The following PKD1 variants were observed in gnomAD, a reference collection of about 807,000 sequenced individuals.
The protein encoded by PKD1 is polycystin-1.
A neutral mutation model predicts 361.7 loss-of-function variants in PKD1; 81 were observed. That is an observed-to-expected ratio of 0.22 (90% CI 0.19 to 0.27). PKD1 has a LOEUF of 0.27. PKD1 is among the 10% of genes least tolerant of loss of function. PKD1 has a pLI of 1.00. For missense variants in PKD1, 6,399 were observed against 6,118.3 expected, an observed-to-expected ratio of 1.05 and a Z score of -1.53; for synonymous variants, 3,615 against 2,818.3, an observed-to-expected ratio of 1.28 and a Z score of -8.95.
intron 34 of PKD1, among the ~76,000 whole-genome samples, chr16:2,095,600 A>C (rs2091813372): frequency 6.6e-6 from 1 of 152,184 alleles, no homozygotes; most frequent in Non-Finnish European, 1.5e-5. Flanking sequence ...GCTCAGGCGC[A>C]GGGAAGGCCG....
At position 2,089,022 on chromosome 16, in the gene PKD1, C is replaced by T; in HGVS notation, c.*705G>A. On this transcript the variant is annotated 3_prime_UTR_variant, in exon 46 of 46. Coordinates refer to ENST00000262304, the MANE Select transcript of PKD1 (RefSeq NM_001009944.3). Reference sequence around the variant, plus strand: ...GACCTGATGCCAGCAGGCCTGGGCGCTGCTCTCTTGCTACCTGGCCTGGGG... The same window carrying T: ...GACCTGATGCCAGCAGGCCTGGGCGTTGCTCTCTTGCTACCTGGCCTGGGG... 1 of 214,962 alleles carries T rather than the reference C, an allele frequency of 4.7e-6. No individual in the cohort carries two copies. The highest frequency in any genetic ancestry group is 9.4e-6 in the Non-Finnish European group (1 of 105,852). The allele number at this position is 214,962 out of a possible 1,614,324, so 13.3% of individuals were successfully genotyped here.
Position 2,107,664 on chromosome 16 carries a change from T to C in PKD1, c.7065+219A>G. The C allele has an allele frequency of 6.4e-6, 4 of 625,628 alleles. No individual in the cohort carries two copies. The South Asian group carries it at 7.1e-5, about 11-fold the overall frequency. The allele number at this position is 625,628 out of a possible 1,614,324, so 38.8% of individuals were successfully genotyped here. A position where few individuals can be genotyped will look rare whatever the true frequency, so the allele number is the denominator to read the frequency against. Reference sequence around the variant, plus strand: ...TATTGCTAGGGGACTGTGTAGCTTTTGCCACTAGAGCATATGTGGCTTGAA... The same window carrying C: ...TATTGCTAGGGGACTGTGTAGCTTTCGCCACTAGAGCATATGTGGCTTGAA... On this transcript the variant is annotated intron_variant, in intron 16 of 45. Coordinates refer to ENST00000262304, the MANE Select transcript of PKD1 (RefSeq NM_001009944.3).
At chr16:2,125,023 G>T (rs1178558965) in intron 1 of PKD1, among the ~76,000 whole-genome samples, 2 of 152,206 alleles carry the variant, frequency 1.3e-5, no homozygotes, top group African/African-American at 4.8e-5. Context: ...CGCTGGAGAG[G>T]ACAGGGGACA....
At chr16:2,091,295 TGCG>T (rs2091539967) in intron 42 of PKD1, 121 bp from the exon 43 acceptor site, 5 of 338,326 alleles carry the variant, frequency 1.5e-5, no homozygotes, top group South Asian at 1.4e-4. Context: ...GGCGGGGCCC[TGCG>T]AGGGGGCGGG....
chr16:2,091,861 G>A lies in PKD1; in HGVS notation c.11457C>T (p.Tyr3819=), dbSNP rs199476098. ...GSCAVYDSGG[Y]VQELGLSLEE... is the part of the protein sequence containing the mutation. ...CCAGGCTCAGGCCCAGCTCCTGCAC[G>A]TAGCCCCCGCTGTCATACACGGCAC... Residue 3819 remains tyrosine (Y), a synonymous_variant, in exon 41 of 46, where the codon TAC becomes TAT. Coordinates refer to ENST00000262304, the MANE Select transcript of PKD1 (RefSeq NM_001009944.3). The A allele has an allele frequency of 2.5e-6, 4 of 1,610,572 alleles. No individual in the cohort carries two copies. The highest frequency in any genetic ancestry group is 1.7e-6 in the Non-Finnish European group (2 of 1,179,242).
chr16:2,097,231 C>T lies in PKD1; in HGVS notation c.10416G>A (p.Leu3472=). Residue 3472 remains leucine, a synonymous_variant, in exon 34 of 46, where the codon CTG becomes CTA. Coordinates refer to ENST00000262304, the MANE Select transcript of PKD1 (RefSeq NM_001009944.3). The part of the protein sequence containing the change: ...AKSFSASDED[L]IQQVLAEGVS... ...CCCCCTCGGCAAGGACCTGCTGGAT[C>T]AGGTCTTCATCTAGAGGTACAGGAG... 3 of 1,584,150 alleles carry T rather than the reference C, an allele frequency of 1.9e-6. No homozygotes were observed. The highest frequency in any genetic ancestry group is 2.6e-6 in the Non-Finnish European group (3 of 1,165,186).
Position 2,111,886 on chromosome 16 carries a change from C to T in PKD1, c.3296-15G>A, listed in dbSNP as rs201704201. The T allele has an allele frequency of 4.3e-3, 6,959 of 1,609,728 alleles. 17 individuals are homozygous for T. Among genetic ancestry groups the T allele is most frequent in the Non-Finnish European group, 5.4e-3 (6,336 of 1,179,272 alleles). On this transcript the variant is annotated splice_polypyrimidine_tract_variant and intron_variant, in intron 14 of 45. Coordinates refer to ENST00000262304, the MANE Select transcript of PKD1 (RefSeq NM_001009944.3). ...GAGGTACTCACCTGTGGGGACAGGC[C>T]CGAGTGGGGCAGCCGCGGCACCCCC... is the stretch of plus-strand genomic sequence containing the variant.
Position 2,102,050 on chromosome 16 carries a change from G to A in PKD1, c.9397+11C>T, listed in dbSNP as rs1256475687. The A allele has an allele frequency of 8.5e-6, 13 of 1,529,120 alleles. No individual in the cohort carries two copies. Among genetic ancestry groups the A allele is most frequent in the African/African-American group, 2.8e-5 (2 of 71,692 alleles). The allele number at this position is 1,529,120 out of a possible 1,614,324, so 94.7% of individuals were successfully genotyped here. ...GCAGGGGAGGCCCTGCCACCCCGCT[G>A]CGCCCCTCACCTGAGCCCCGGCCCC... On this transcript the variant is annotated intron_variant, in intron 26 of 45. Transcript: ENST00000262304.
chr16:2,110,746 T>C lies in PKD1; in HGVS notation c.4421A>G (p.Asn1474Ser), dbSNP rs750149483. 1.1e-5 allele frequency: 17 copies of C among 1,610,516 alleles called. No homozygotes were observed. Among genetic ancestry groups the C allele is most frequent in the Admixed American group, 1.7e-5 (1 of 60,020 alleles). ...CTGCAGCTCCAGCCCAAGGGAGCCA[T>C]TGACCTTGATGCTGGTGACCAGCAC... Reference protein sequence around the residue: ...EPVLVTSIKVNGSLGLELQQP... With the variant: ...EPVLVTSIKVSGSLGLELQQP... Residue 1474 changes from asparagine (N) to serine (S), a missense_variant, in exon 15 of 46, where the codon AAT (asparagine) becomes AGT (serine). Coordinates refer to ENST00000262304, the MANE Select transcript of PKD1 (RefSeq NM_001009944.3).
intron 1 of PKD1, among the ~76,000 whole-genome samples, chr16:2,132,346 G>C (rs536976091): frequency 1.4e-4 from 21 of 151,860 alleles, no homozygotes; most frequent in Admixed American, 1.4e-3. Context: ...GAGGTGGGCA[G>C]ATCACGAGGT....
Position 2,092,469 on chromosome 16 carries a change from T to G in PKD1, c.11269+11A>C, listed in dbSNP as rs1162808217. 1 of 1,565,266 alleles carries G rather than the reference T, an allele frequency of 6.4e-7. No individual in the cohort carries two copies. The highest frequency in any genetic ancestry group is 8.8e-7 in the Non-Finnish European group (1 of 1,137,940). On this transcript the variant is annotated intron_variant, in intron 39 of 45. Coordinates refer to ENST00000262304, the MANE Select transcript of PKD1 (RefSeq NM_001009944.3). ...ACGATTTAAGTCTTGGGGCACGCCC[T>G]GCCAGCTCACCTTCCTGCAGCCGCA...
chr16:2,102,848 C>T lies in PKD1; in HGVS notation c.8914G>A (p.Asp2972Asn), dbSNP rs150189496. 1.3e-4 allele frequency: 210 copies of T among 1,600,742 alleles called. No homozygotes were observed. The highest frequency in any genetic ancestry group is 4.5e-4 in the Middle Eastern group (2 of 4,422). ...RIRPESLQGA[D>N]HRPYTFFISP... ...ATGAAGAAGGTGTAGGGCCGGTGGTCAGCACCCTGGAGTGACTCTGGGCGG... is the reference window on the plus strand; with the variant it reads ...ATGAAGAAGGTGTAGGGCCGGTGGTTAGCACCCTGGAGTGACTCTGGGCGG... The change falls in exon 24 of 46, where the codon GAC becomes AAC. Residue 2972 changes from aspartate to asparagine, a missense_variant. Asp to Asn is a conservative substitution (Grantham distance 23). Transcript: ENST00000262304.
At position 2,103,863 on chromosome 16, in the gene PKD1, G is replaced by A. The variant is rs751031560; in HGVS notation, c.8194C>T (p.Arg2732Trp). Residue 2732 changes from arginine to tryptophan, a missense_variant, in exon 23 of 46, where the codon CGG (arginine) becomes TGG (tryptophan). Physicochemically the swap from Arg to Trp is moderately radical, Grantham distance 101. Coordinates refer to ENST00000262304, the MANE Select transcript of PKD1 (RefSeq NM_001009944.3). ...DLIHLASSDV[R>W]APQPSELGAE... ...CCCAGCTCTGAGGGCTGTGGTGCCC[G>A]CACGTCCGAGCTGGCCAGGTGGATG... 197 of 1,602,146 alleles carry A rather than the reference G, an allele frequency of 1.2e-4. No homozygotes were observed. The highest frequency in any genetic ancestry group is 1.6e-4 in the Non-Finnish European group (189 of 1,177,148).
At chr16:2,108,105 G>A in intron 15 of PKD1, 73 bp from the exon 16 acceptor site, 1 of 1,548,016 alleles carries the variant, frequency 6.5e-7, no homozygotes, top group Non-Finnish European at 8.8e-7. Context: ...CGGCCCAGGA[G>A]ACAGCGCGGG....
At position 2,110,218 on chromosome 16, in the gene PKD1, A is replaced by G. The variant is rs553280550; in HGVS notation, c.4949T>C (p.Val1650Ala). The G allele has an allele frequency of 6.2e-7, 1 of 1,611,992 alleles. No homozygotes were observed. The highest frequency in any genetic ancestry group is 1.7e-5 in the Admixed American group (1 of 60,018). ...GGRYFPTNHTVQLQAVVRDGT... is the reference protein window; with the variant it reads ...GGRYFPTNHTAQLQAVVRDGT... ...ATCCCTAACCACGGCCTGCAGCTGT[A>G]CCGTGTGGTTGGTGGGGAAGTAGCG... Residue 1650 changes from valine (V) to alanine (A), a missense_variant, in exon 15 of 46, where the codon GTA (valine) becomes GCA (alanine). Val to Ala is a moderately conservative substitution (Grantham distance 64). Coordinates refer to ENST00000262304, the MANE Select transcript of PKD1 (RefSeq NM_001009944.3).
chr16:2,131,960 T>C (rs1180812684), intron 1 of PKD1: 1 of 151,942 alleles, frequency 6.6e-6, no homozygotes, highest in East Asian at 2.0e-4. Context: ...AAGACACACA[T>C]ATATTTTTGT....
rs761315064 is a variant in PKD1, at chr16:2,107,787, G to T, written c.7065+96C>A. ...GCATCAGAAACAGAGAGGGGAGAGC[G>T]TGCGGCCTCCACCAGCACTAAAACA... On this transcript the variant is annotated intron_variant, in intron 16 of 45. Transcript: ENST00000262304. 3.5e-4 allele frequency: 411 copies of T among 1,167,250 alleles called. 2 individuals carry two copies. Among genetic ancestry groups the T allele is most frequent in the Middle Eastern group, 8.1e-4 (3 of 3,692 alleles). The allele number at this position is 1,167,250 out of a possible 1,614,324, so 72.3% of individuals were successfully genotyped here.
intron 30 of PKD1, among the ~76,000 whole-genome samples, chr16:2,098,358 G>A (rs1474190829): frequency 3.3e-5 from 5 of 152,066 alleles, no homozygotes; most frequent in Admixed American, 1.3e-4. Flanking sequence ...ACAGGTGCCT[G>A]CCACCATGCC....
At position 2,091,745 on chromosome 16, in the gene PKD1, G is replaced by A. The variant is rs759434553; in HGVS notation, c.11537+36C>T. ...GGGTGGGCTCCTGGCTGGTGACTGC[G>A]GCCACCCCGGAGAGGGCAGGGGAGG... On this transcript the variant is annotated intron_variant, in intron 41 of 45. Transcript: ENST00000262304. 13 of 1,605,952 alleles carry A rather than the reference G, an allele frequency of 8.1e-6. No homozygotes were observed. The East Asian group carries it at 2.9e-4, about 36-fold the overall frequency.
Sources: allele counts gnomAD v4.1 joint callset (sites outside exome capture counted in the v4.1 genomes callset), GRCh38; gene constraint gnomAD v4.1.1; transcripts MANE v1.5; gene names NCBI Gene and HGNC (gene_info 2026-07-23, HGNC 2026-07-21).